The following FGF12 variants were observed in gnomAD, a reference collection of about 807,000 sequenced individuals.
FGF12 encodes fibroblast growth factor 12.
FGF12 carries 14 observed loss-of-function variants against 23.6 expected under a neutral mutation model. That is an observed-to-expected ratio of 0.59 (90% confidence interval 0.39 to 0.93). The LOEUF is 0.93. Ranked by LOEUF, FGF12 falls within the 40% of genes least tolerant of loss-of-function variation. The pLI, the probability that FGF12 is intolerant of heterozygous loss-of-function variation, is 0.00. For missense variants in FGF12, 175 were observed against 217.8 expected (o/e 0.80, Z 1.24); for synonymous variants, 62 against 77.3 (o/e 0.80, Z 1.04).
chr3:192,561,403 C>A (rs910778692), intron 2 of FGF12, among the ~76,000 whole-genome samples: 1 of 151,840 alleles, frequency 6.6e-6, no homozygotes, highest in Non-Finnish European at 1.5e-5. Context: ...CGCTCTTTCA[C>A]CCAGGCTGGA....
intron 2 of FGF12, among the ~76,000 whole-genome samples, chr3:192,692,976 G>GAAAA (rs535727148): frequency 1.4e-5 from 2 of 139,738 alleles, no homozygotes; most frequent in African/African-American, 5.2e-5. Context: ...AACCAGAAAA[G>GAAAA]AAAAAAAAAA....
intron 4 of FGF12, among the ~76,000 whole-genome samples, chr3:192,273,917 A>G (rs1378283325): frequency 1.3e-5 from 2 of 152,004 alleles, no homozygotes; most frequent in Non-Finnish European, 2.9e-5. Context: ...AAAAAAAAAA[A>G]AAAGTAGAAC....
chr3:192,297,199 C>T (rs776976662), intron 4 of FGF12, among the ~76,000 whole-genome samples: 1 of 152,098 alleles, frequency 6.6e-6, no homozygotes, highest in Non-Finnish European at 1.5e-5. Context: ...CCACGATTTG[C>T]GTCATAGCCC....
rs545925850 is a variant in FGF12 at position 192,289,627 on chromosome 3, C to T, written c.228+45734G>A. On this transcript the variant is annotated intron_variant, in intron 4 of 5. Coordinates refer to ENST00000445105, the MANE Select transcript of FGF12 (RefSeq NM_004113.6). The stretch of plus-strand genomic sequence containing the variant: ...AGCAAACAATCCAGAGTGGGATTAT[C>T]GACTGCATCTCTTATTTTCATTATG... 6.6e-5 allele frequency among the ~76,000 whole-genome samples: 10 copies of T among 152,214 alleles called. 2 individuals carry two copies. Among genetic ancestry groups the T allele is most frequent in the East Asian group, 1.9e-4 (1 of 5,176 alleles).
intron 4 of FGF12, among the ~76,000 whole-genome samples, chr3:192,227,488 A>G (rs113916816): frequency 1.3e-5 from 2 of 151,884 alleles, no homozygotes; most frequent in African/African-American, 4.8e-5. Flanking sequence ...TTATCTGACT[A>G]ATGGAATATG....
intron 2 of FGF12, among the ~76,000 whole-genome samples, chr3:192,636,035 A>AGTGCAG: frequency 6.6e-6 from 1 of 152,224 alleles, no homozygotes. Context: ...TGCACTGAGG[A>AGTGCAG]AGATTCTGAG....
At chr3:192,466,210 T>C (rs1181674967) in intron 2 of FGF12, among the ~76,000 whole-genome samples, 1 of 152,084 alleles carries the variant, frequency 6.6e-6, no homozygotes, top group African/African-American at 2.4e-5. Flanking sequence ...ACAGAAAACA[T>C]ACGGTAAAAA....
At chr3:192,513,403 TC>T (rs1336723239) in intron 2 of FGF12, among the ~76,000 whole-genome samples, 1 of 152,194 alleles carries the variant, frequency 6.6e-6, no homozygotes, top group African/African-American at 2.4e-5. Flanking sequence ...GAAAGTGTGT[TC>T]TGCAATTTCA....
rs183551218 is a variant in FGF12, at chr3:192,713,052, A to T, written c.13+14129T>A. Among the ~76,000 whole-genome samples, 72 of 152,360 alleles carry T rather than the reference A, an allele frequency of 4.7e-4. No individual in the cohort carries two copies. In the East Asian group the frequency reaches 0.013, roughly 28 times the overall value. On this transcript the variant is annotated intron_variant, in intron 2 of 5. Transcript: ENST00000445105. ...AAAGTATGTAGAAAGCTGGGCACGT[A>T]AAAACAAGACAGTTATCAACCACAG...
chr3:192,662,219 A>G (rs2108685231), intron 2 of FGF12, among the ~76,000 whole-genome samples: 1 of 152,362 alleles, frequency 6.6e-6, no homozygotes, highest in Admixed American at 6.5e-5. Context: ...TTAACTTTTA[A>G]TAAAATATCT....
intron 2 of FGF12, among the ~76,000 whole-genome samples, chr3:192,428,209 T>A (rs1721751130): frequency 6.6e-6 from 1 of 152,200 alleles, no homozygotes; most frequent in Admixed American, 6.5e-5. Context: ...TTGCATTACA[T>A]TGATTTGTGT....
In FGF12 at chr3:192,154,875, A is replaced by G. The variant is rs573927676; in HGVS notation, c.428-10748T>C. Among the ~76,000 whole-genome samples, 948 of 139,894 alleles carry G rather than the reference A, an allele frequency of 6.8e-3. 16 individuals are homozygous for G. Among genetic ancestry groups the G allele is most frequent in the Non-Finnish European group, 0.011 (669 of 63,290 alleles). 91.8% of individuals were successfully genotyped at this position (139,894 alleles called of 152,430 possible). ...AGCTTCCCGGCTGCTTTGTTTACCT[A>G]AACAAGCCTGGGCAATGGCGGGCGC... On this transcript the variant is annotated intron_variant, in intron 5 of 5. Coordinates refer to ENST00000445105, the MANE Select transcript of FGF12 (RefSeq NM_004113.6).
intron 4 of FGF12, among the ~76,000 whole-genome samples, chr3:192,279,900 T>A (rs1281673645): frequency 1.3e-5 from 2 of 152,104 alleles, no homozygotes; most frequent in African/African-American, 4.8e-5. Context: ...ATGTGTGTGG[T>A]GGGTAGCTAA....
intron 2 of FGF12, among the ~76,000 whole-genome samples, chr3:192,547,465 C>T (rs969836366): frequency 1.3e-5 from 2 of 152,156 alleles, no homozygotes; most frequent in Non-Finnish European, 2.9e-5. Flanking sequence ...TCTTTCATCA[C>T]CTCAATGATA....
chr3:192,509,225 G>A (rs565714171), intron 2 of FGF12, among the ~76,000 whole-genome samples: 1 of 152,266 alleles, frequency 6.6e-6, no homozygotes, highest in South Asian at 2.1e-4. Flanking sequence ...AAAAGTCTGG[G>A]TTCCCTTCTC....
intron 5 of FGF12, among the ~76,000 whole-genome samples, chr3:192,148,625 A>T (rs1192420558): frequency 7.2e-5 from 11 of 152,210 alleles, no homozygotes; most frequent in Admixed American, 7.2e-4. Flanking sequence ...ATTTTACCAC[A>T]ATTAAAAAGC....
intron 3 of FGF12, among the ~76,000 whole-genome samples, chr3:192,356,590 CA>C (rs1718482986): frequency 6.6e-6 from 1 of 152,084 alleles, no homozygotes; most frequent in South Asian, 2.1e-4. Flanking sequence ...CCGACAAATC[CA>C]TTTGTGTTTT....
intron 2 of FGF12, among the ~76,000 whole-genome samples, chr3:192,581,992 T>C (rs1417238271): frequency 6.6e-6 from 1 of 150,970 alleles, no homozygotes; most frequent in Non-Finnish European, 1.5e-5. Flanking sequence ...GCAACACTTG[T>C]ACTTGTTCAG....
At chr3:192,288,541 G>T (rs554784552) in intron 4 of FGF12, among the ~76,000 whole-genome samples, 3 of 152,076 alleles carry the variant, frequency 2.0e-5, no homozygotes, top group East Asian at 3.9e-4. Context: ...AATGATACTT[G>T]TATCTTAATT....
Sources: allele counts gnomAD v4.1 joint callset (sites outside exome capture counted in the v4.1 genomes callset), GRCh38; gene constraint gnomAD v4.1.1; transcripts MANE v1.5; gene names NCBI Gene and HGNC (gene_info 2026-07-23, HGNC 2026-07-21).